Variants in AGO4 observed in about 807,000 individuals in gnomAD.
AGO4 encodes the protein argonaute RISC component 4.
In AGO4, 33 loss-of-function variants were observed where a neutral mutation model predicts 104.7. That is an observed-to-expected ratio of 0.32 (90% CI 0.24 to 0.42). AGO4 has a LOEUF of 0.42. Ranked by LOEUF, AGO4 falls within the 10% of genes least tolerant of loss-of-function variation. AGO4 has a pLI of 1.00. For synonymous variants in AGO4, 331 were observed against 364.7 expected, an observed-to-expected ratio of 0.91 and a Z score of 1.05; for missense variants, 711 against 1,083.4, an observed-to-expected ratio of 0.66 and a Z score of 4.83.
At position 35,826,078 on chromosome 1, in the gene AGO4, T is replaced by G; in HGVS notation, c.760+18T>G. 2 of 1,613,080 alleles carry G rather than the reference T, an allele frequency of 1.2e-6. No homozygotes were observed. Among genetic ancestry groups the G allele is most frequent in the Non-Finnish European group, 1.7e-6 (2 of 1,179,860 alleles). ...AATCAGAGGTAAGTGTTTGCATTAA[T>G]GTAGTCTTGGAGAAGCAGCTCAGCA... On this transcript the variant is annotated intron_variant, in intron 6 of 17. Transcript: ENST00000373210.
rs2148695953 is a variant in AGO4, at chr1:35,856,391, G to A, written c.*2786G>A. Reference sequence around the variant, plus strand: ...AATCGTTATGCATGTGTCAATCAATGGGAGGTGTGCATTCTCTAGAAGTAG... The same window carrying A: ...AATCGTTATGCATGTGTCAATCAATAGGAGGTGTGCATTCTCTAGAAGTAG... On this transcript the variant is annotated 3_prime_UTR_variant, in exon 18 of 18. Coordinates refer to ENST00000373210, the MANE Select transcript of AGO4 (RefSeq NM_017629.4). The A allele has an allele frequency of 6.6e-6, 1 of 152,334 alleles. No homozygotes were observed. Among genetic ancestry groups the A allele is most frequent in the Admixed American group, 6.5e-5 (1 of 15,300 alleles). The allele number at this position is 152,334 out of a possible 1,614,324, so 9.4% of individuals were successfully genotyped here.
chr1:35,850,216 A>G lies in AGO4; in HGVS notation c.2235A>G (p.Pro745=). The G allele has an allele frequency of 3.7e-6, 6 of 1,614,114 alleles. No individual in the cohort carries two copies. Among genetic ancestry groups the G allele is most frequent in the Middle Eastern group, 1.6e-4 (1 of 6,062 alleles). ...GTTVDSTITH[P]SEFDFYLCSH... The stretch of plus-strand genomic sequence containing the variant: ...CAGTGGATAGTACCATCACACATCC[A>G]TCTGAGTTTGACTTTTACCTCTGTA... Residue 745 remains proline (P), a synonymous_variant, in exon 16 of 18, where the codon CCA becomes CCG. Coordinates refer to ENST00000373210, the MANE Select transcript of AGO4 (RefSeq NM_017629.4).
At chr1:35,833,146 G>T (rs1224647656) in intron 11 of AGO4, among the ~76,000 whole-genome samples, 1 of 152,094 alleles carries the variant, frequency 6.6e-6, no homozygotes, top group Non-Finnish European at 1.5e-5. Context: ...AGGCATGGTG[G>T]CACGCGCCTG....
At chr1:35,838,713 A>G (rs778904890) in intron 13 of AGO4, among the ~76,000 whole-genome samples, 9 of 152,200 alleles carry the variant, frequency 5.9e-5, no homozygotes, top group African/African-American at 7.2e-5. Context: ...ATTGTTACGC[A>G]TGTGAATTTC....
rs373442828 is a variant in AGO4 at position 35,833,269 on chromosome 1, C to T, written c.1379+699C>T. 4.6e-5 allele frequency among the ~76,000 whole-genome samples: 7 copies of T among 151,720 alleles called. No individual in the cohort carries two copies. The East Asian group carries it at 1.4e-3, about 29-fold the overall frequency. On this transcript the variant is annotated intron_variant, in intron 11 of 17. Coordinates refer to ENST00000373210, the MANE Select transcript of AGO4 (RefSeq NM_017629.4). ...ACTCCAGCCTCGCGACAGAGCAAGACTGCGTCTCAAAAAAATAAAAATAAA... is the reference window on the plus strand; with the variant it reads ...ACTCCAGCCTCGCGACAGAGCAAGATTGCGTCTCAAAAAAATAAAAATAAA...
At chr1:35,851,693 G>C in intron 17 of AGO4, among the ~76,000 whole-genome samples, 1 of 152,148 alleles carries the variant, frequency 6.6e-6, no homozygotes, top group East Asian at 1.9e-4. Context: ...CTAAATAGTA[G>C]ACATTCCACT....
chr1:35,809,273 T>A (rs1643419598), intron 1 of AGO4, among the ~76,000 whole-genome samples: 1 of 152,166 alleles, frequency 6.6e-6, no homozygotes, highest in African/African-American at 2.4e-5. Context: ...GTGTCCTGAG[T>A]ATTGGGGCCT....
At chr1:35,823,129 G>A (rs1643923718) in intron 3 of AGO4, 147 bp downstream of exon 3, 1 of 898,734 alleles carries the variant, frequency 1.1e-6, no homozygotes, top group Non-Finnish European at 1.6e-6. Flanking sequence ...ATTACACATT[G>A]CATACAGATA....
intron 16 of AGO4, 66 bp from the exon 17 acceptor site, chr1:35,850,780 CAAAAAAAA>C: frequency 1.9e-6 from 1 of 536,070 alleles, no homozygotes; most frequent in Non-Finnish European, 2.7e-6. Flanking sequence ...GACTCCATCT[CAAAAAAAA>C]AAAAAAAAAA....
intron 2 of AGO4, among the ~76,000 whole-genome samples, chr1:35,822,078 C>T (rs1643897923): frequency 6.6e-6 from 1 of 152,006 alleles, no homozygotes; most frequent in African/African-American, 2.4e-5. Context: ...CTGGGTTTCA[C>T]TGTGTTGGCC....
intron 7 of AGO4, among the ~76,000 whole-genome samples, chr1:35,829,022 C>CA (rs1491187260): frequency 2.8e-5 from 4 of 140,552 alleles, no homozygotes; most frequent in Admixed American, 1.4e-4. Flanking sequence ...TTACTCAGAG[C>CA]CCCCCCCCCC....
intron 12 of AGO4, among the ~76,000 whole-genome samples, chr1:35,835,454 T>C (rs1644290744): frequency 1.3e-5 from 2 of 151,986 alleles, no homozygotes; most frequent in South Asian, 2.1e-4. Flanking sequence ...CAAAACAAAA[T>C]AAAATAAAAT....
At position 35,808,434 on chromosome 1, in the gene AGO4, C is replaced by G; in HGVS notation, c.18C>G (p.Pro6=). 1 of 1,175,030 alleles carries G rather than the reference C, an allele frequency of 8.5e-7. No individual in the cohort carries two copies. The highest frequency in any genetic ancestry group is 4.2e-5 in the South Asian group (1 of 23,870). The allele number at this position is 1,175,030 out of a possible 1,614,324, so 72.8% of individuals were successfully genotyped here. A position where few individuals can be genotyped will look rare whatever the true frequency, so the allele number is the denominator to read the frequency against. The change falls in exon 1 of 18, where the codon CCC becomes CCG. Residue 6 remains proline, a splice_region_variant and synonymous_variant. Transcript: ENST00000373210. The surrounding 1 kb of genome is among the most constrained non-coding windows in gnomAD (Gnocchi z 5.2). The stretch of plus-strand genomic sequence containing the variant: ...CCGCCGCCATGGAGGCGCTGGGACC[C>G]GGTGAGGAGCGAGCTCGGGTCGGGG... MEALG[P]GPPASLFQPP...
intron 17 of AGO4, among the ~76,000 whole-genome samples, chr1:35,852,308 AGAT>A (rs1644721307): frequency 6.6e-6 from 1 of 152,220 alleles, no homozygotes; most frequent in Admixed American, 6.5e-5. Context: ...TTTTGAGCCT[AGAT>A]GATAAGGATA....
At position 35,850,997 on chromosome 1, in the gene AGO4, T is replaced by C. The variant is rs750105516; in HGVS notation, c.2421T>C (p.Tyr807=). 4 of 1,614,096 alleles carry C rather than the reference T, an allele frequency of 2.5e-6. No individual in the cohort carries two copies. Among genetic ancestry groups the C allele is most frequent in the South Asian group, 1.1e-5 (1 of 91,082 alleles). The part of the protein sequence containing the change: ...RSVSIPAPAY[Y]ARLVAFRARY... Reference sequence around the variant, plus strand: ...TCTCTATTCCAGCCCCTGCATATTATGCCCGGCTTGTAGCATTTAGGGCAA... The same window carrying C: ...TCTCTATTCCAGCCCCTGCATATTACGCCCGGCTTGTAGCATTTAGGGCAA... The change falls in exon 17 of 18, where the codon TAT becomes TAC. Residue 807 remains tyrosine (Y), a synonymous_variant. Coordinates refer to ENST00000373210, the MANE Select transcript of AGO4 (RefSeq NM_017629.4).
intron 3 of AGO4, among the ~76,000 whole-genome samples, chr1:35,823,723 G>T (rs1442196058): frequency 6.6e-6 from 1 of 151,768 alleles, no homozygotes; most frequent in African/African-American, 2.4e-5. Context: ...GAGCCACTGC[G>T]CCTGGCCTTA....
intron 1 of AGO4, among the ~76,000 whole-genome samples, chr1:35,811,498 C>G (rs1321906481): frequency 6.6e-6 from 1 of 152,012 alleles, no homozygotes; most frequent in Admixed American, 6.6e-5. Context: ...CCAACCACCT[C>G]AGGGACCTTT....
At chr1:35,819,886 A>G (rs1008574942) in intron 2 of AGO4, among the ~76,000 whole-genome samples, 4 of 152,068 alleles carry the variant, frequency 2.6e-5, no homozygotes, top group Admixed American at 6.6e-5. Context: ...TTTGAGAATC[A>G]TGAGCTTATT....
intron 1 of AGO4, among the ~76,000 whole-genome samples, chr1:35,816,408 G>A (rs185651711): frequency 2.4e-4 from 36 of 152,238 alleles, no homozygotes; most frequent in African/African-American, 7.5e-4. Context: ...ACCTTAGGTC[G>A]AAAGACACCC....
Sources: gnomAD v4.1 joint callset for allele counts (sites outside exome capture counted in the v4.1 genomes callset) on GRCh38, gnomAD v4.1.1 for gene constraint, Gnocchi (gnomAD v3.1) non-coding constraint, MANE v1.5 for transcripts, NCBI Gene and HGNC (gene_info 2026-07-23, HGNC 2026-07-21) for gene names.